Variants in IGSF9B observed in about 807,000 individuals in gnomAD.
The protein encoded by IGSF9B is immunoglobulin superfamily member 9B.
A neutral mutation model predicts 143.7 loss-of-function variants in IGSF9B; 48 were observed. That is an observed-to-expected ratio of 0.33 (90% confidence interval 0.26 to 0.42). The LOEUF is 0.42. Ranked by LOEUF, IGSF9B falls within the 20% of genes least tolerant of loss-of-function variation. The probability of loss-of-function intolerance (pLI) is 1.00; values close to 1 mark genes in which losing one functional copy is unlikely to be tolerated. For synonymous variants in IGSF9B, 903 were observed against 833.1 expected (o/e 1.08, Z -1.44); for missense variants, 1,706 against 1,980.0 (o/e 0.86, Z 2.63).
intron 18 of IGSF9B, 130 bp downstream of exon 18, chr11:133,919,612 G>T: frequency 1.6e-6 from 1 of 630,394 alleles, no homozygotes. Context: ...ACTCCTCTCC[G>T]AGGGACGCCG....
At chr11:133,947,801 T>TGA (rs1940083487) in intron 1 of IGSF9B, among the ~76,000 whole-genome samples, 2 of 152,062 alleles carry the variant, frequency 1.3e-5, no homozygotes, top group African/African-American at 4.8e-5. Flanking sequence ...TCTGTCTGTC[T>TGA]CTCTCTAGCT....
rs1189650313 is a variant in IGSF9B, at chr11:133,953,471, C to T, written c.64+3220G>A. 6.6e-6 allele frequency among the ~76,000 whole-genome samples: 1 copy of T among 152,202 alleles called. No individual in the cohort carries two copies. The highest frequency in any genetic ancestry group is 1.5e-5 in the Non-Finnish European group (1 of 68,034). ...TGACCACTTCCTGAGTGAAGTCCTT[C>T]TCAGCCGATAGGCTCACCACGGGGT... On this transcript the variant is annotated intron_variant, in intron 1 of 19. Transcript: ENST00000533871. This position sits in a 1 kb window ranked among gnomAD's most constrained non-coding sequence, Gnocchi z 4.2.
intron 1 of IGSF9B, chr11:133,952,334 C>G: frequency 4.0e-6 from 1 of 251,582 alleles, no homozygotes; most frequent in South Asian, 4.5e-5. Context: ...GACAGAGAGG[C>G]CCTGGGCTGG....
chr11:133,926,411 C>T (rs1173926992), intron 13 of IGSF9B, among the ~76,000 whole-genome samples: 1 of 152,196 alleles, frequency 6.6e-6, no homozygotes, highest in Non-Finnish European at 1.5e-5. Context: ...GGAGTCGCGC[C>T]ACCTACACCA....
chr11:133,920,100 G>A lies in IGSF9B; in HGVS notation c.3625C>T (p.Leu1209Phe), dbSNP rs773939249. 15 of 1,519,928 alleles carry A rather than the reference G, an allele frequency of 9.9e-6. No homozygotes were observed. In the South Asian group the frequency reaches 1.3e-4, roughly 13 times the overall value. 94.2% of individuals were successfully genotyped at this position (1,519,928 alleles called of 1,614,324 possible). A position where few individuals can be genotyped will look rare whatever the true frequency, so the allele number is the denominator to read the frequency against. The change falls in exon 18 of 20, where the codon CTC becomes TTC. Residue 1209 changes from leucine (L) to phenylalanine (F), a missense_variant. By Grantham distance (22) the Leu-to-Phe change is conservative (BLOSUM62 0). This residue lies in a region of IGSF9B where 880 missense variants were observed against 762.9 expected (regional missense o/e 1.15). Transcript: ENST00000533871. ...SRLSPLTQSPLSSRTGSPELA... is the reference protein window; with the variant it reads ...SRLSPLTQSPFSSRTGSPELA... ...TCAGGGGAGCCGGTGCGGGAGCTGA[G>A]GGGGCTTTGGGTCAGAGGTGAGAGC...
At chr11:133,922,977 G>A (rs915345438) in intron 15 of IGSF9B, among the ~76,000 whole-genome samples, 4 of 152,240 alleles carry the variant, frequency 2.6e-5, no homozygotes, top group African/African-American at 7.2e-5. Flanking sequence ...CTGTCCCCAT[G>A]GGGATAATGA....
chr11:133,937,523 A>G, intron 4 of IGSF9B, 30 bp from the exon 5 acceptor site: 3 of 1,535,364 alleles, frequency 2.0e-6, no homozygotes, highest in Non-Finnish European at 2.7e-6. Context: ...GGAGCTCAGC[A>G]CCCACGCTCA....
chr11:133,899,130 G>A lies in IGSF9B; in HGVS notation c.*9939C>T, dbSNP rs1939073584. 2 of 152,258 alleles carry A rather than the reference G, an allele frequency of 1.3e-5. No individual in the cohort carries two copies. Among genetic ancestry groups the A allele is most frequent in the African/African-American group, 4.8e-5 (2 of 41,432 alleles). 9.4% of individuals were successfully genotyped at this position (152,258 alleles called of 1,614,324 possible). On this transcript the variant is annotated 3_prime_UTR_variant, in exon 20 of 20. Coordinates refer to ENST00000533871, the MANE Select transcript of IGSF9B (RefSeq NM_001277285.4). Reference sequence around the variant, plus strand: ...TCAGATACCTCCACCTTCTACCAAAGGGAAAAGCACCAAAATTCAATGTCC... The same window carrying A: ...TCAGATACCTCCACCTTCTACCAAAAGGAAAAGCACCAAAATTCAATGTCC...
chr11:133,949,307 A>C (rs960069032), intron 1 of IGSF9B, among the ~76,000 whole-genome samples: 18 of 152,200 alleles, frequency 1.2e-4, no homozygotes, highest in African/African-American at 4.3e-4. Context: ...GTTTTCTGTC[A>C]TCTCCTTCAC....
chr11:133,915,133 A>G (rs1006475809), intron 18 of IGSF9B, among the ~76,000 whole-genome samples: 13 of 152,194 alleles, frequency 8.5e-5, no homozygotes, highest in Admixed American at 2.0e-4. Context: ...CAGGAATGCT[A>G]CGAACCCTGG....
At chr11:133,947,802 C>G (rs1940083522) in intron 1 of IGSF9B, among the ~76,000 whole-genome samples, 2 of 151,626 alleles carry the variant, frequency 1.3e-5, no homozygotes, top group African/African-American at 2.4e-5. Flanking sequence ...CTGTCTGTCT[C>G]TCTCTAGCTC....
intron 3 of IGSF9B, among the ~76,000 whole-genome samples, chr11:133,943,202 A>T (rs1449159348): frequency 1.3e-5 from 2 of 152,242 alleles, no homozygotes; most frequent in Non-Finnish European, 2.9e-5. Flanking sequence ...ACGCTGTTGA[A>T]GCCTCAATAA....
chr11:133,923,569 G>A (rs1290017764), intron 15 of IGSF9B, among the ~76,000 whole-genome samples: 1 of 152,232 alleles, frequency 6.6e-6, no homozygotes, highest in Non-Finnish European at 1.5e-5. Context: ...CCACTGCTTA[G>A]GTTCAGCAAA....
intron 1 of IGSF9B, among the ~76,000 whole-genome samples, chr11:133,950,399 T>C (rs917732563): frequency 6.6e-6 from 1 of 152,172 alleles, no homozygotes; most frequent in South Asian, 2.1e-4. Flanking sequence ...CTGCCCACAA[T>C]GGCCTCCTGA....
rs761709326 is a variant in IGSF9B, at chr11:133,931,628, G to A, written c.1251+27C>T. On this transcript the variant is annotated intron_variant, in intron 9 of 19. Coordinates refer to ENST00000533871, the MANE Select transcript of IGSF9B (RefSeq NM_001277285.4). This position sits in a 1 kb window ranked among gnomAD's most constrained non-coding sequence, Gnocchi z 7.7. Reference sequence around the variant, plus strand: ...CGGGGATCCAGGTGCCCAGCTCATGGAGGCCGTCACAGCCCTGGGACCTCA... The same window carrying A: ...CGGGGATCCAGGTGCCCAGCTCATGAAGGCCGTCACAGCCCTGGGACCTCA... 6 of 1,608,362 alleles carry A rather than the reference G, an allele frequency of 3.7e-6. No homozygotes were observed. The South Asian group carries it at 6.6e-5, about 18-fold the overall frequency.
At position 133,897,626 on chromosome 11, in the gene IGSF9B, A is replaced by G. The variant is rs1939042212; in HGVS notation, c.*11443T>C. 1 of 152,132 alleles carries G rather than the reference A, an allele frequency of 6.6e-6. No homozygotes were observed. The highest frequency in any genetic ancestry group is 2.4e-5 in the African/African-American group (1 of 41,438). The allele number at this position is 152,132 out of a possible 1,614,324, so 9.4% of individuals were successfully genotyped here. On this transcript the variant is annotated 3_prime_UTR_variant, in exon 20 of 20. Coordinates refer to ENST00000533871, the MANE Select transcript of IGSF9B (RefSeq NM_001277285.4). ...AGACAGGTTATACAGAGTGTAGAAT[A>G]TGTTCATATAAGGCTTTGGTACAGC...
chr11:133,931,305 A>G lies in IGSF9B; in HGVS notation c.1368+148T>C. ...TCACTGCTCGGCATCTAGCCTGGTCAGGGCAGGTCCAGAATAGAACTGCTC... is the reference window on the plus strand; with the variant it reads ...TCACTGCTCGGCATCTAGCCTGGTCGGGGCAGGTCCAGAATAGAACTGCTC... On this transcript the variant is annotated intron_variant, in intron 10 of 19. Transcript: ENST00000533871. The surrounding 1 kb of genome is among the most constrained non-coding windows in gnomAD (Gnocchi z 7.7). 1 of 853,746 alleles carries G rather than the reference A, an allele frequency of 1.2e-6. No homozygotes were observed. Among genetic ancestry groups the G allele is most frequent in the Non-Finnish European group, 1.8e-6 (1 of 544,682 alleles). 52.9% of individuals were successfully genotyped at this position (853,746 alleles called of 1,614,324 possible). A position where few individuals can be genotyped will look rare whatever the true frequency, so the allele number is the denominator to read the frequency against.
chr11:133,897,046 T>C lies in IGSF9B; in HGVS notation c.*12023A>G, dbSNP rs1265308145. On this transcript the variant is annotated 3_prime_UTR_variant, in exon 20 of 20. Coordinates refer to ENST00000533871, the MANE Select transcript of IGSF9B (RefSeq NM_001277285.4). ...GGGTTCGGGAGGAGACAGTTCCTCCTACTCTTGGAAGTCTGTGATTTGGTG... is the reference window on the plus strand; with the variant it reads ...GGGTTCGGGAGGAGACAGTTCCTCCCACTCTTGGAAGTCTGTGATTTGGTG... The C allele has an allele frequency of 1.3e-5, 2 of 152,198 alleles. No individual in the cohort carries two copies. Among genetic ancestry groups the C allele is most frequent in the African/African-American group, 4.8e-5 (2 of 41,448 alleles). 9.4% of individuals were successfully genotyped at this position (152,198 alleles called of 1,614,324 possible).
intron 3 of IGSF9B, among the ~76,000 whole-genome samples, chr11:133,943,876 G>T (rs79809789): frequency 2.9e-4 from 44 of 152,322 alleles, no homozygotes; most frequent in Non-Finnish European, 5.1e-4. Flanking sequence ...TCTTCCCAAG[G>T]CTGGGAAATA....
Sources: gnomAD v4.1 joint callset for allele counts (sites outside exome capture counted in the v4.1 genomes callset) on GRCh38, gnomAD v4.1.1 for gene constraint, gnomAD v4.1.1 regional missense constraint, Gnocchi (gnomAD v3.1) non-coding constraint, MANE v1.5 for transcripts, NCBI Gene and HGNC (gene_info 2026-07-23, HGNC 2026-07-21) for gene names.